PDE4DIP: variants seen among roughly 807,000 people sequenced by gnomAD.
PDE4DIP encodes phosphodiesterase 4D interacting protein, also known as myomegalin.
PDE4DIP carries 59 observed loss-of-function variants against 221.4 expected under a neutral mutation model. The ratio of observed to expected loss-of-function variants is 0.27; its 90% CI spans 0.22 to 0.33. The LOEUF (loss-of-function observed/expected upper bound fraction) is 0.33, where lower values mean the gene tolerates loss of function less well. Among genes scored for constraint, PDE4DIP ranks in the 10% least tolerant of loss-of-function variants. The probability of loss-of-function intolerance (pLI) is 1.00; values close to 1 mark genes in which losing one functional copy is unlikely to be tolerated. For synonymous variants in PDE4DIP, 404 were observed against 815.9 expected (o/e 0.50, Z 8.60); for missense variants, 1,036 against 2,154.2 (o/e 0.48, Z 10.28).
At chr1:149,029,512 G>A (rs1337160389) in intron 41 of PDE4DIP, among the ~76,000 whole-genome samples, 1 of 152,110 alleles carries the variant, frequency 6.6e-6, no homozygotes, top group African/African-American at 2.4e-5. Flanking sequence ...TCAGAGTTGG[G>A]AGTTTGATAC....
intron 20 of PDE4DIP, among the ~76,000 whole-genome samples, chr1:148,980,987 A>G (rs1439708723): frequency 1.1e-4 from 17 of 152,214 alleles, no homozygotes; most frequent in Admixed American, 6.5e-4. Context: ...TGTTTGGGCT[A>G]TAGGGGTGTG....
rs782365493 is a variant in PDE4DIP at position 148,968,924 on chromosome 1, G to T, written c.1874G>T (p.Arg625Met). 4.3e-6 allele frequency: 7 copies of T among 1,613,178 alleles called. No homozygotes were observed. In the African/African-American group the frequency reaches 9.3e-5, roughly 22 times the overall value. Reference sequence around the variant, plus strand: ...TGCCAGCGTCTACAGCGAAAGGAAAGGATGCTGCAGGACCTTCTAAGTGAT... The same window carrying T: ...TGCCAGCGTCTACAGCGAAAGGAAATGATGCTGCAGGACCTTCTAAGTGAT... The change falls in exon 14 of 44, where the codon AGG (arginine) becomes ATG (methionine). Residue 625 changes from arginine to methionine, a missense_variant. Transcript: ENST00000369354.
Position 148,967,572 on chromosome 1 carries a change from A to T in PDE4DIP, c.1606-154A>T, listed in dbSNP as rs587737352. Among the ~76,000 whole-genome samples, 70 of 152,404 alleles carry T rather than the reference A, an allele frequency of 4.6e-4. No individual in the cohort carries two copies. In the South Asian group the frequency reaches 0.013, roughly 29 times the overall value. ...ATAAAAGTTTCTAAAAACCAAAAAA[A>T]TAGATTAGTATGGCATTGTTAGATC... On this transcript the variant is annotated intron_variant, in intron 12 of 43. Coordinates refer to ENST00000369354, the Ensembl canonical transcript of PDE4DIP.
chr1:148,952,107 A>G (rs1235375813), intron 5 of PDE4DIP: 5 of 1,021,870 alleles, frequency 4.9e-6, no homozygotes, highest in Non-Finnish European at 5.9e-6. Flanking sequence ...GAGCCTCGAC[A>G]TCCTGCAGAG....
intron 5 of PDE4DIP, chr1:148,953,781 C>T (rs1553497964): frequency 1.4e-6 from 2 of 1,453,924 alleles, no homozygotes; most frequent in South Asian, 1.2e-5. Flanking sequence ...GGAGTTAGTT[C>T]CGGTTTCCTT....
chr1:149,005,680 A>G lies in PDE4DIP; in HGVS notation c.4415+243A>G, dbSNP rs587617306. Among the ~76,000 whole-genome samples, 11 of 151,302 alleles carry G rather than the reference A, an allele frequency of 7.3e-5. No individual in the cohort carries two copies. The East Asian group carries it at 1.8e-3, about 24-fold the overall frequency. Reference sequence around the variant, plus strand: ...TCCTCTTAGGGATATATTAGTAAAGATGGTATAGTATAGTAGTAATACTGG... The same window carrying G: ...TCCTCTTAGGGATATATTAGTAAAGGTGGTATAGTATAGTAGTAATACTGG... On this transcript the variant is annotated intron_variant, in intron 27 of 43. Transcript: ENST00000369354.
chr1:148,844,410 G>C lies in PDE4DIP; in HGVS notation c.234-18840G>C, dbSNP rs1352414376. The C allele has an allele frequency of 1.1e-5, 3 of 268,266 alleles. No homozygotes were observed. Among genetic ancestry groups the C allele is most frequent in the Admixed American group, 8.3e-5 (1 of 12,020 alleles). The allele number at this position is 268,266 out of a possible 1,614,324, so 16.6% of individuals were successfully genotyped here. On this transcript the variant is annotated intron_variant, in intron 1 of 45. Coordinates refer to the PDE4DIP transcript ENST00000524974. Reference sequence around the variant, plus strand: ...CGCGGTTGACAGCTCAGCTGGTGCCGAGCAACTCGTGCCAGCCAGTCGTGT... The same window carrying C: ...CGCGGTTGACAGCTCAGCTGGTGCCCAGCAACTCGTGCCAGCCAGTCGTGT...
At chr1:149,030,158 A>G (rs868928666) in intron 42 of PDE4DIP, 74 bp from the exon 46 acceptor site, 44 of 1,257,868 alleles carry the variant, frequency 3.5e-5, no homozygotes, top group East Asian at 2.6e-4. Flanking sequence ...AATGCTTTAG[A>G]ATTCTCATGC....
chr1:148,959,122 C>A (rs1413819398), intron 5 of PDE4DIP, among the ~76,000 whole-genome samples: 3 of 152,020 alleles, frequency 2.0e-5, no homozygotes, highest in Non-Finnish European at 2.9e-5. Context: ...ATATTTTTTG[C>A]ATTTCCTTGT....
chr1:148,951,914 C>G (rs1255537290), intron 5 of PDE4DIP: 1 of 541,136 alleles, frequency 1.8e-6, no homozygotes. Flanking sequence ...CTTCCCTCGC[C>G]TGCCTCGCAG....
intron 5 of PDE4DIP, among the ~76,000 whole-genome samples, chr1:148,954,428 T>C (rs2054611455): frequency 6.6e-6 from 1 of 152,030 alleles, no homozygotes; most frequent in Admixed American, 6.6e-5. Flanking sequence ...AGCCTATTAA[T>C]CCACCAGTAA....
intron 1 of PDE4DIP, among the ~76,000 whole-genome samples, chr1:148,861,553 G>A (rs1301712357): frequency 3.7e-5 from 2 of 53,988 alleles, no homozygotes; most frequent in Non-Finnish European, 6.9e-5. Context: ...CAGGAGAATC[G>A]CTTGAACCTG....
chr1:148,890,456 TAA>T (rs72506227), intron 1 of PDE4DIP, among the ~76,000 whole-genome samples: 2 of 109,362 alleles, frequency 1.8e-5, no homozygotes. Context: ...CCCAGATAAT[TAA>T]AAAAAAAAAA....
intron 1 of PDE4DIP, among the ~76,000 whole-genome samples, chr1:148,827,234 G>T: frequency 2.8e-5 from 2 of 71,962 alleles, no homozygotes; most frequent in African/African-American, 4.8e-5. Context: ...CCTGAAAAGG[G>T]TGTTATATTC....
chr1:148,953,995 A>AT (rs1299693880), intron 5 of PDE4DIP: 2 of 739,036 alleles, frequency 2.7e-6, no homozygotes, highest in African/African-American at 3.5e-5. Flanking sequence ...GGTTAGAAAT[A>AT]TTCTGGACTT....
rs190166217 is a variant in PDE4DIP, at chr1:148,974,881, A to G, written c.2319+276A>G. On this transcript the variant is annotated intron_variant, in intron 17 of 43. Coordinates refer to ENST00000369354, the Ensembl canonical transcript of PDE4DIP. ...GCTAACTGGAATAAAATAATTGTAA[A>G]GGCCGGGTGCAGTGGCTCATGCCTG... 0.16 allele frequency among the ~76,000 whole-genome samples: 11,563 copies of G among 73,902 alleles called. 546 individuals carry two copies. The highest frequency in any genetic ancestry group is 0.34 in the East Asian group (219 of 650). The allele number at this position is 73,902 out of a possible 152,430, so 48.5% of individuals were successfully genotyped here.
chr1:148,963,748 C>CTTTTTTTTTTTTTTTTTTT (rs66921099), intron 9 of PDE4DIP, among the ~76,000 whole-genome samples: 1 of 89,094 alleles, frequency 1.1e-5, no homozygotes, highest in Non-Finnish European at 2.1e-5. Context: ...TTCTTTCCTT[C>CTTTTTTTTTTTTTTTTTTT]TTTTTTTTTT....
At chr1:148,936,835 G>A (rs587612273) in intron 4 of PDE4DIP, among the ~76,000 whole-genome samples, 19 of 151,640 alleles carry the variant, frequency 1.3e-4, no homozygotes, top group African/African-American at 3.6e-4. Context: ...CATCTTGTCC[G>A]CTGGAAGGTC....
chr1:148,827,770 G>T (rs1361784315), intron 1 of PDE4DIP, among the ~76,000 whole-genome samples: 1 of 103,780 alleles, frequency 9.6e-6, no homozygotes, highest in South Asian at 3.9e-4. Context: ...AATCTATGAA[G>T]CAATTGAAAG....
Sources: allele counts gnomAD v4.1 joint callset (sites outside exome capture counted in the v4.1 genomes callset), GRCh38; gene constraint gnomAD v4.1.1; transcripts MANE v1.5; gene names NCBI Gene and HGNC (gene_info 2026-07-23, HGNC 2026-07-21).